Variants in KCNH1 observed in about 807,000 individuals in gnomAD.
KCNH1 encodes voltage-gated delayed rectifier potassium channel KCNH1.
Under a neutral mutation model 69.2 loss-of-function variants are expected in KCNH1, and 27 were observed. The ratio of observed to expected loss-of-function variants is 0.39; its 90% CI spans 0.29 to 0.54. The LOEUF (loss-of-function observed/expected upper bound fraction) is 0.54. KCNH1 is among the 20% of genes least tolerant of loss of function. The pLI is 0.68. For missense variants in KCNH1, 798 were observed against 1,261.6 expected, an observed-to-expected ratio of 0.63 and a Z score of 5.57; for synonymous variants, 456 against 487.7, an observed-to-expected ratio of 0.93 and a Z score of 0.86.
chr1:211,084,483 A>G (rs1047072834), intron 4 of KCNH1, among the ~76,000 whole-genome samples: 1 of 152,192 alleles, frequency 6.6e-6, no homozygotes, highest in Non-Finnish European at 1.5e-5. Flanking sequence ...CACCTGATAT[A>G]ACATAAAAGA....
intron 10 of KCNH1, among the ~76,000 whole-genome samples, chr1:210,764,930 T>C (rs1272898764): frequency 6.6e-6 from 1 of 152,202 alleles, no homozygotes; most frequent in Non-Finnish European, 1.5e-5. Context: ...CACAGCACTA[T>C]TCACAATAGC....
chr1:210,808,934 A>C (rs1172968665), intron 7 of KCNH1, among the ~76,000 whole-genome samples: 1 of 152,076 alleles, frequency 6.6e-6, no homozygotes, highest in Non-Finnish European at 1.5e-5. Context: ...CCAGTGCAGA[A>C]GGTGTTATGG....
At chr1:211,020,686 A>C (rs1296812314) in intron 5 of KCNH1, among the ~76,000 whole-genome samples, 2 of 152,098 alleles carry the variant, frequency 1.3e-5, no homozygotes, top group Non-Finnish European at 2.9e-5. Flanking sequence ...AAGGCAAAAC[A>C]AAAAAGAAAA....
intron 7 of KCNH1, among the ~76,000 whole-genome samples, chr1:210,901,520 T>C (rs532254857): frequency 6.6e-6 from 1 of 152,296 alleles, no homozygotes; most frequent in South Asian, 2.1e-4. Flanking sequence ...GGCTCTGCAC[T>C]GTTCCCATGA....
At chr1:211,047,849 A>G (rs1334151816) in intron 5 of KCNH1, among the ~76,000 whole-genome samples, 4 of 152,058 alleles carry the variant, frequency 2.6e-5, no homozygotes, top group Non-Finnish European at 5.9e-5. Context: ...AAGGAACTCA[A>G]ATCCGCAAGG....
chr1:210,693,070 A>T (rs1358206994), intron 10 of KCNH1, among the ~76,000 whole-genome samples: 1 of 152,104 alleles, frequency 6.6e-6, no homozygotes. Context: ...ATGCAGCTGA[A>T]GCCGGCATAG....
chr1:210,867,330 T>TACACACACACAC (rs57696942), intron 7 of KCNH1, among the ~76,000 whole-genome samples: 1 of 144,134 alleles, frequency 6.9e-6, no homozygotes, highest in African/African-American at 2.6e-5. Context: ...TGTATATGTT[T>TACACACACACAC]ACACACACAC....
At chr1:211,076,357 C>T (rs539356031) in intron 5 of KCNH1, among the ~76,000 whole-genome samples, 47 of 152,272 alleles carry the variant, frequency 3.1e-4, no homozygotes, top group South Asian at 2.9e-3. Flanking sequence ...CTCACACAGG[C>T]GGGTGCCCCT....
At chr1:210,847,652 G>T (rs1472646784) in intron 7 of KCNH1, among the ~76,000 whole-genome samples, 1 of 151,872 alleles carries the variant, frequency 6.6e-6, no homozygotes, top group Non-Finnish European at 1.5e-5. Context: ...AATGGGTGCA[G>T]CACGCCAAGA....
At chr1:210,845,413 G>C (rs201848755) in intron 7 of KCNH1, among the ~76,000 whole-genome samples, 173 of 152,122 alleles carry the variant, frequency 1.1e-3, no homozygotes, top group Middle Eastern at 6.8e-3. Flanking sequence ...GGGATGCAAG[G>C]CTGGTTAAAC....
In KCNH1 at chr1:211,017,922, G is replaced by C. The variant is rs113462254; in HGVS notation, c.1032+861C>G. On this transcript the variant is annotated intron_variant, in intron 6 of 10. Coordinates refer to ENST00000271751, the MANE Select transcript of KCNH1 (RefSeq NM_172362.3). The stretch of plus-strand genomic sequence containing the variant: ...CCTAATGGGAGGTGTTTGGGTCATG[G>C]GGGGTGGATCCCTCTTAAGTATATT... 3.6e-3 allele frequency among the ~76,000 whole-genome samples: 546 copies of C among 152,214 alleles called. 6 individuals carry two copies. The highest frequency in any genetic ancestry group is 0.013 in the African/African-American group (521 of 41,534).
chr1:210,915,523 A>G (rs539405126), intron 7 of KCNH1, among the ~76,000 whole-genome samples: 1 of 114,810 alleles, frequency 8.7e-6, no homozygotes, highest in South Asian at 2.7e-4. Flanking sequence ...GCCGGAGACT[A>G]CCACAGATCT....
intron 7 of KCNH1, among the ~76,000 whole-genome samples, chr1:210,821,814 T>C (rs1162154492): frequency 2.0e-4 from 18 of 91,730 alleles, no homozygotes; most frequent in African/African-American, 5.2e-4. Flanking sequence ...ATTTATTTAT[T>C]TATTTATTTA....
rs7546728 is a variant in KCNH1, at chr1:211,070,428, A to T, written c.558+12352T>A. Among the ~76,000 whole-genome samples, 13 of 114,262 alleles carry T rather than the reference A, an allele frequency of 1.1e-4. No individual in the cohort carries two copies. The South Asian group carries it at 3.7e-3, about 32-fold the overall frequency. 75.0% of individuals were successfully genotyped at this position (114,262 alleles called of 152,430 possible). On this transcript the variant is annotated intron_variant, in intron 5 of 10. Transcript: ENST00000271751. ...GCGAGACTCCACCTTTAAAAAAAAA[A>T]AAACACACACACACACACACACACA... is the stretch of plus-strand genomic sequence containing the variant.
intron 6 of KCNH1, among the ~76,000 whole-genome samples, chr1:210,978,399 T>A (rs531766960): frequency 6.6e-6 from 1 of 152,212 alleles, no homozygotes; most frequent in South Asian, 2.1e-4. Flanking sequence ...ATAATTTCTT[T>A]GAAGAATTGG....
chr1:210,809,608 G>A (rs1018327664), intron 7 of KCNH1, among the ~76,000 whole-genome samples: 8 of 152,148 alleles, frequency 5.3e-5, no homozygotes, highest in Non-Finnish European at 1.2e-4. Context: ...ACCAAGGATG[G>A]AGTTTTTAAA....
chr1:210,724,652 A>C (rs1682547054), intron 10 of KCNH1, among the ~76,000 whole-genome samples: 1 of 152,134 alleles, frequency 6.6e-6, no homozygotes, highest in Admixed American at 6.6e-5. Context: ...AGACATTCAG[A>C]ATCTTTGTAC....
chr1:210,752,047 G>T (rs1325936812), intron 10 of KCNH1, among the ~76,000 whole-genome samples: 1 of 152,102 alleles, frequency 6.6e-6, no homozygotes, highest in African/African-American at 2.4e-5. Flanking sequence ...AGGACATGCC[G>T]AAGTGAGTAC....
At chr1:211,097,874 G>A (rs1410409995) in intron 3 of KCNH1, among the ~76,000 whole-genome samples, 2 of 152,160 alleles carry the variant, frequency 1.3e-5, no homozygotes, top group African/African-American at 4.8e-5. Flanking sequence ...CACATGCTGG[G>A]GAGTGTTGTC....
Sources: gnomAD v4.1 joint callset for allele counts (sites outside exome capture counted in the v4.1 genomes callset) on GRCh38, gnomAD v4.1.1 for gene constraint, MANE v1.5 for transcripts, NCBI Gene and HGNC (gene_info 2026-07-23, HGNC 2026-07-21) for gene names.